The following EYA4 variants were observed in gnomAD, a reference collection of about 807,000 sequenced individuals.
The protein encoded by EYA4 is EYA transcriptional coactivator and phosphatase 4, also known as protein phosphatase EYA4.
EYA4 carries 31 observed loss-of-function variants against 87.9 expected under a neutral mutation model. That is an observed-to-expected ratio of 0.35 (90% confidence interval 0.27 to 0.48). The LOEUF is 0.48. Ranked by LOEUF, EYA4 falls within the 20% of genes least tolerant of loss-of-function variation. EYA4 has a pLI of 0.99. For synonymous variants in EYA4, 263 were observed against 270.6 expected (o/e 0.97, Z 0.28); for missense variants, 678 against 761.4 (o/e 0.89, Z 1.29).
At chr6:133,426,416 A>G (rs1364385090) in intron 3 of EYA4, among the ~76,000 whole-genome samples, 1 of 152,162 alleles carries the variant, frequency 6.6e-6, no homozygotes, top group Non-Finnish European at 1.5e-5. Context: ...TGCCTCTTGT[A>G]TTTTACTTGT....
chr6:133,431,648 A>G (rs767501102), intron 3 of EYA4, among the ~76,000 whole-genome samples: 3 of 152,158 alleles, frequency 2.0e-5, no homozygotes, highest in Non-Finnish European at 2.9e-5. Context: ...GGGACAAATT[A>G]CCAGATTATT....
intron 2 of EYA4, among the ~76,000 whole-genome samples, chr6:133,359,077 G>T (rs1459390566): frequency 6.6e-6 from 1 of 152,166 alleles, no homozygotes; most frequent in African/African-American, 2.4e-5. Context: ...AGTGTGACTA[G>T]AACACAGGAA....
intron 2 of EYA4, among the ~76,000 whole-genome samples, chr6:133,365,322 T>C (rs1178543579): frequency 2.0e-5 from 3 of 152,198 alleles, no homozygotes; most frequent in Non-Finnish European, 4.4e-5. Context: ...TCTTGACATC[T>C]ACTTATGTAT....
Position 133,450,778 on chromosome 6 carries a change from C to T in EYA4, c.277+2599C>T, listed in dbSNP as rs547631104. Among the ~76,000 whole-genome samples the T allele has an allele frequency of 4.6e-5, 7 of 152,260 alleles. No homozygotes were observed. In the East Asian group the frequency reaches 7.8e-4, roughly 17 times the overall value. On this transcript the variant is annotated intron_variant, in intron 5 of 19. Transcript: ENST00000355286. Reference sequence around the variant, plus strand: ...TGACTACCTAGGCCTCCCAAAGTGTCGGGATTACAGGCGTGGGCCACTACA... The same window carrying T: ...TGACTACCTAGGCCTCCCAAAGTGTTGGGATTACAGGCGTGGGCCACTACA...
At chr6:133,397,154 A>G (rs1259101251) in intron 3 of EYA4, among the ~76,000 whole-genome samples, 2 of 152,356 alleles carry the variant, frequency 1.3e-5, no homozygotes, top group East Asian at 3.9e-4. Context: ...GATACTTAAC[A>G]TTGCAATGAG....
chr6:133,401,042 A>C (rs751000282), intron 3 of EYA4, among the ~76,000 whole-genome samples: 9 of 152,350 alleles, frequency 5.9e-5, no homozygotes, highest in Non-Finnish European at 1.2e-4. Context: ...TATGTATACA[A>C]TGGAATATTA....
chr6:133,400,533 A>G (rs1788175777), intron 3 of EYA4, among the ~76,000 whole-genome samples: 1 of 152,002 alleles, frequency 6.6e-6, no homozygotes, highest in Admixed American at 6.6e-5. Flanking sequence ...AAAAAAAATT[A>G]TATGCTTATA....
At chr6:133,456,669 GTCCT>G in intron 6 of EYA4, 21 bp downstream of exon 6, 10 of 1,482,692 alleles carry the variant, frequency 6.7e-6, no homozygotes, top group African/African-American at 1.4e-5. Flanking sequence ...TAGCTCGTGT[GTCCT>G]TACGTACACA....
chr6:133,463,354 CT>C (rs571663764), intron 9 of EYA4, among the ~76,000 whole-genome samples: 7,833 of 115,154 alleles, frequency 0.068, 347 homozygotes, highest in East Asian at 0.19. Flanking sequence ...TGTGTTTTAT[CT>C]TTTTTTTTTT....
At chr6:133,302,689 A>G (rs1031839115) in intron 2 of EYA4, among the ~76,000 whole-genome samples, 3 of 152,240 alleles carry the variant, frequency 2.0e-5, no homozygotes, top group African/African-American at 4.8e-5. Context: ...TCAAATTGGT[A>G]TAAGTTTTAA....
At chr6:133,458,997 A>G (rs769937361) in intron 6 of EYA4, among the ~76,000 whole-genome samples, 1 of 152,178 alleles carries the variant, frequency 6.6e-6, no homozygotes, top group Non-Finnish European at 1.5e-5. Context: ...TCAAGTTTGT[A>G]CAAGATATTC....
intron 3 of EYA4, among the ~76,000 whole-genome samples, chr6:133,431,949 ATTTT>A (rs34742458): frequency 6.9e-6 from 1 of 143,968 alleles, no homozygotes; most frequent in African/African-American, 2.6e-5. Flanking sequence ...CATTTTCTTG[ATTTT>A]TTTTTTTTTT....
chr6:133,398,272 G>T (rs879910456), intron 3 of EYA4, among the ~76,000 whole-genome samples: 7 of 152,112 alleles, frequency 4.6e-5, no homozygotes, highest in Admixed American at 4.6e-4. Flanking sequence ...GTATGCTAGG[G>T]GTGAGGGAGT....
chr6:133,312,498 C>T (rs1196139635), intron 2 of EYA4, among the ~76,000 whole-genome samples: 1 of 151,946 alleles, frequency 6.6e-6, no homozygotes, highest in Admixed American at 6.6e-5. Flanking sequence ...GAAAAACACA[C>T]CTAAAAATGC....
chr6:133,407,278 A>T (rs1355738364), intron 3 of EYA4, among the ~76,000 whole-genome samples: 1 of 147,904 alleles, frequency 6.8e-6, no homozygotes, highest in Non-Finnish European at 1.5e-5. Context: ...TTGGAAGGAA[A>T]CGTATTTATC....
chr6:133,491,591 T>C (rs977111644), intron 13 of EYA4, among the ~76,000 whole-genome samples: 13 of 152,046 alleles, frequency 8.6e-5, no homozygotes, highest in Admixed American at 7.9e-4. Context: ...GCTGTCAAGA[T>C]TGAATCATGA....
chr6:133,507,166 A>G (rs1189544820), intron 14 of EYA4: 1 of 152,214 alleles, frequency 6.6e-6, no homozygotes, highest in African/African-American at 2.4e-5. Flanking sequence ...AATGTATTGA[A>G]GTAAATGTGT....
intron 10 of EYA4, among the ~76,000 whole-genome samples, chr6:133,465,714 T>C (rs1794781910): frequency 6.6e-6 from 1 of 152,302 alleles, no homozygotes; most frequent in Admixed American, 6.5e-5. Flanking sequence ...GTATAGTTGC[T>C]AGACACTTAT....
intron 11 of EYA4, among the ~76,000 whole-genome samples, chr6:133,477,021 C>T (rs1795803096): frequency 6.6e-6 from 1 of 151,990 alleles, no homozygotes; most frequent in South Asian, 2.1e-4. Context: ...TTTGGTAGTT[C>T]CTTCTGCTTT....
Sources: gnomAD v4.1 joint callset for allele counts (sites outside exome capture counted in the v4.1 genomes callset) on GRCh38, gnomAD v4.1.1 for gene constraint, MANE v1.5 for transcripts, NCBI Gene and HGNC (gene_info 2026-07-23, HGNC 2026-07-21) for gene names.